Variants in COBLL1 observed in about 807,000 individuals in gnomAD.
The protein encoded by COBLL1 is cordon-bleu WH2 repeat protein like 1.
In COBLL1, 50 loss-of-function variants were observed where a neutral mutation model predicts 94.8. The ratio of observed to expected loss-of-function variants is 0.53; its 90% confidence interval spans 0.42 to 0.67. COBLL1 has a LOEUF of 0.67. Ranked by LOEUF, COBLL1 falls within the 30% of genes least tolerant of loss-of-function variation. The pLI is 0.00. For missense variants in COBLL1, 1,362 were observed against 1,348.7 expected (o/e 1.01, Z -0.15); for synonymous variants, 448 against 473.8 (o/e 0.95, Z 0.71).
chr2:164,818,039 T>A (rs1243623955), intron 2 of COBLL1, among the ~76,000 whole-genome samples: 2 of 151,958 alleles, frequency 1.3e-5, no homozygotes, highest in South Asian at 4.1e-4. Context: ...TAAATGAAGA[T>A]ATCAATCCTT....
intron 2 of COBLL1, among the ~76,000 whole-genome samples, chr2:164,750,613 C>G (rs1250898161): frequency 6.6e-6 from 1 of 152,142 alleles, no homozygotes; most frequent in Non-Finnish European, 1.5e-5. Flanking sequence ...TCAGAGTGAA[C>G]TTTTAAATAT....
Position 164,711,748 on chromosome 2 carries a change from A to T in COBLL1, c.997-6643T>A, listed in dbSNP as rs1053885736. On this transcript the variant is annotated intron_variant, in intron 7 of 13. Coordinates refer to ENST00000652658, the MANE Select transcript of COBLL1 (RefSeq NM_001365672.2). ...AAACATTTACTTTGTTCAAATTATG[A>T]CTACATTTTAAAAAGTGGTAGAGAT... is the stretch of plus-strand genomic sequence containing the variant. 3.3e-5 allele frequency among the ~76,000 whole-genome samples: 5 copies of T among 152,210 alleles called. No homozygotes were observed. In the South Asian group the frequency reaches 1.0e-3, roughly 31 times the overall value.
intron 1 of COBLL1, among the ~76,000 whole-genome samples, chr2:164,671,250 G>C: frequency 6.6e-6 from 1 of 151,998 alleles, no homozygotes. Context: ...AAAATAATTA[G>C]TAAATAAAGA....
intron 2 of COBLL1, among the ~76,000 whole-genome samples, chr2:164,759,915 A>G (rs1361374602): frequency 6.6e-6 from 1 of 152,232 alleles, no homozygotes; most frequent in African/African-American, 2.4e-5. Context: ...AAGAAAGTGG[A>G]GAAACTGGCT....
intron 11 of COBLL1, among the ~76,000 whole-genome samples, chr2:164,698,570 A>AT: frequency 6.6e-6 from 1 of 151,914 alleles, no homozygotes; most frequent in East Asian, 1.9e-4. Context: ...ACCATTGAGT[A>AT]TTTTTTGAAT....
At chr2:164,813,575 T>A (rs1026723006) in intron 2 of COBLL1, among the ~76,000 whole-genome samples, 1 of 152,112 alleles carries the variant, frequency 6.6e-6, no homozygotes, top group African/African-American at 2.4e-5. Context: ...TAGTAAAAAC[T>A]CATAAGCTAA....
chr2:164,748,085 G>A (rs527488446), intron 2 of COBLL1, among the ~76,000 whole-genome samples: 64 of 152,248 alleles, frequency 4.2e-4, no homozygotes, highest in African/African-American at 1.5e-3. Flanking sequence ...AGAGACTCAG[G>A]TCTTGAAAGA....
chr2:164,728,157 T>C lies in COBLL1; in HGVS notation c.473A>G (p.Lys158Arg), dbSNP rs1685812475. 6.2e-6 allele frequency: 10 copies of C among 1,613,506 alleles called. No individual in the cohort carries two copies. Among genetic ancestry groups the C allele is most frequent in the Non-Finnish European group, 8.5e-6 (10 of 1,179,600 alleles). The change falls in exon 5 of 14, where the codon AAG becomes AGG. Residue 158 changes from lysine to arginine, a missense_variant. Transcript: ENST00000652658. The stretch of plus-strand genomic sequence containing the variant: ...ATGTGGACTCACTCTCACTATGGTC[T>C]TCTGTGTTTTCTTAAAATTAATCAC... ...RVVINFKKTQ[K>R]TIVRVSPHAS...
chr2:164,666,539 CAA>C (rs1268405995), intron 1 of COBLL1, among the ~76,000 whole-genome samples: 1 of 152,156 alleles, frequency 6.6e-6, no homozygotes, highest in Non-Finnish European at 1.5e-5. Flanking sequence ...GCCACACTAA[CAA>C]ACTCTTCCTT....
At chr2:164,822,734 ATATTATTATTATTATTATTATTATTAT>A (rs199529383) in intron 2 of COBLL1, among the ~76,000 whole-genome samples, 46 of 139,480 alleles carry the variant, frequency 3.3e-4, no homozygotes, top group Admixed American at 1.4e-3. Flanking sequence ...AGATTATATT[ATATTATTATTATTATTATTATTATTAT>A]TATTATTATT....
chr2:164,691,686 C>A (rs968413066), intron 13 of COBLL1, among the ~76,000 whole-genome samples: 1 of 152,110 alleles, frequency 6.6e-6, no homozygotes, highest in South Asian at 2.1e-4. Flanking sequence ...TTCTACCCCA[C>A]AGTAAGGAGG....
chr2:164,749,282 A>G (rs1687015025), intron 2 of COBLL1, among the ~76,000 whole-genome samples: 1 of 152,188 alleles, frequency 6.6e-6, no homozygotes, highest in Admixed American at 6.5e-5. Flanking sequence ...TTCATTCAGA[A>G]AAGTGCTATA....
At chr2:164,736,714 T>C (rs530917929) in intron 3 of COBLL1, among the ~76,000 whole-genome samples, 14 of 152,150 alleles carry the variant, frequency 9.2e-5, no homozygotes, top group Middle Eastern at 3.4e-3. Context: ...AATTTGAATA[T>C]AGACAAAGGA....
rs181648278 is a variant in COBLL1 at position 164,704,559 on chromosome 2, C to T, written c.1151-41G>A. 2.1e-5 allele frequency: 31 copies of T among 1,442,452 alleles called. No homozygotes were observed. In the African/African-American group the frequency reaches 4.2e-4, roughly 19 times the overall value. The allele number at this position is 1,442,452 out of a possible 1,614,324, so 89.4% of individuals were successfully genotyped here. On this transcript the variant is annotated intron_variant, in intron 8 of 13. Transcript: ENST00000652658. Reference sequence around the variant, plus strand: ...AACACAACTTATAAAGTCATATTCACAAATAAAACAATTCCTTAACAGTTT... The same window carrying T: ...AACACAACTTATAAAGTCATATTCATAAATAAAACAATTCCTTAACAGTTT...
chr2:164,821,538 T>C lies in COBLL1; in HGVS notation c.41+19618A>G, dbSNP rs552663136. Among the ~76,000 whole-genome samples the C allele has an allele frequency of 4.8e-4, 73 of 152,264 alleles. 2 individuals are homozygous for C. The highest frequency in any genetic ancestry group is 9.6e-4 in the East Asian group (5 of 5,182). The stretch of plus-strand genomic sequence containing the variant: ...TGTACAAGCGATAAAACCCAAGCCA[T>C]AGATATGGGAGGAACAAAATTAAAA... On this transcript the variant is annotated intron_variant, in intron 2 of 13. Transcript: ENST00000652658.
chr2:164,765,964 C>G (rs1325987197), intron 2 of COBLL1, among the ~76,000 whole-genome samples: 1 of 152,106 alleles, frequency 6.6e-6, no homozygotes, highest in Non-Finnish European at 1.5e-5. Context: ...CCTAACCAAC[C>G]TCCAGCCTCA....
chr2:164,826,689 A>G (rs547253215), intron 2 of COBLL1, among the ~76,000 whole-genome samples: 154 of 152,230 alleles, frequency 1.0e-3, no homozygotes, highest in Non-Finnish European at 1.5e-3. Flanking sequence ...AAGTGCTGCT[A>G]TCTGACTTCC....
At chr2:164,675,925 T>C (rs1398494642), downstream of COBLL1, among the ~76,000 whole-genome samples, 2 of 152,136 alleles carry the variant, frequency 1.3e-5, no homozygotes, top group Admixed American at 6.6e-5. Context: ...AGCATTTCCA[T>C]GGTGTGGTAC....
chr2:164,784,007 T>C (rs572079475), intron 2 of COBLL1, among the ~76,000 whole-genome samples: 10 of 152,212 alleles, frequency 6.6e-5, no homozygotes, highest in Admixed American at 4.6e-4. Context: ...ATAAAAGTGG[T>C]ATTTTCACAT....
Sources: gnomAD v4.1 joint callset for allele counts (sites outside exome capture counted in the v4.1 genomes callset) on GRCh38, gnomAD v4.1.1 for gene constraint, MANE v1.5 for transcripts, NCBI Gene and HGNC (gene_info 2026-07-23, HGNC 2026-07-21) for gene names.